The following ATXN10 variants were observed in gnomAD, a reference collection of about 807,000 sequenced individuals.
The protein encoded by ATXN10 is ataxin 10, also known as ataxin-10.
Under a neutral mutation model 52.9 loss-of-function variants are expected in ATXN10, and 28 were observed. That is an observed-to-expected ratio of 0.53 (90% CI 0.39 to 0.73). The LOEUF (loss-of-function observed/expected upper bound fraction) is 0.73, where lower values mean the gene tolerates loss of function less well. ATXN10 is among the 30% of genes least tolerant of loss of function. The pLI, the probability that ATXN10 is intolerant of heterozygous loss-of-function variation, is 0.00. For synonymous variants in ATXN10, 226 were observed against 221.5 expected, an observed-to-expected ratio of 1.02 and a Z score of -0.18; for missense variants, 565 against 577.0, an observed-to-expected ratio of 0.98 and a Z score of 0.21.
intron 10 of ATXN10, among the ~76,000 whole-genome samples, chr22:45,829,552 T>C (rs933664999): frequency 1.3e-5 from 2 of 152,036 alleles, no homozygotes; most frequent in Non-Finnish European, 2.9e-5. Flanking sequence ...CTATATAAAG[T>C]CAACACACAA....
intron 9 of ATXN10, among the ~76,000 whole-genome samples, chr22:45,753,219 A>AT (rs145958400): frequency 0.36 from 51,516 of 141,280 alleles, 9,819 homozygotes; most frequent in Middle Eastern, 0.48. Flanking sequence ...TTTCCCAGTG[A>AT]TTTTTTTTTT....
Position 45,824,882 on chromosome 22 carries a change from C to T in ATXN10, c.1237+17860C>T, listed in dbSNP as rs1257612634. Among the ~76,000 whole-genome samples, 2 of 152,134 alleles carry T rather than the reference C, an allele frequency of 1.3e-5. No individual in the cohort carries two copies. Among genetic ancestry groups the T allele is most frequent in the Non-Finnish European group, 2.9e-5 (2 of 68,032 alleles). ...TCAGGGAAATTCATGGGTAGGAGGTCCCAGGAATCTCCTAGACAACATTTG... is the reference window on the plus strand; with the variant it reads ...TCAGGGAAATTCATGGGTAGGAGGTTCCAGGAATCTCCTAGACAACATTTG... On this transcript the variant is annotated intron_variant, in intron 10 of 11. Coordinates refer to ENST00000252934, the MANE Select transcript of ATXN10 (RefSeq NM_013236.4). The surrounding 1 kb of genome is among the most constrained non-coding windows in gnomAD (Gnocchi z 5.2).
chr22:45,741,050 T>C (rs1421697861), intron 9 of ATXN10, among the ~76,000 whole-genome samples: 2 of 152,164 alleles, frequency 1.3e-5, no homozygotes, highest in Non-Finnish European at 2.9e-5. Context: ...ATTGAGAATG[T>C]GAGAGAATGG....
intron 7 of ATXN10, among the ~76,000 whole-genome samples, chr22:45,737,406 G>A (rs1040225446): frequency 3.3e-5 from 5 of 152,176 alleles, no homozygotes; most frequent in Admixed American, 3.3e-4. Context: ...GGTTGATGAA[G>A]CTTTGTGAAA....
rs1022653450 is a variant in ATXN10 at position 45,805,319 on chromosome 22, C to G, written c.1174-1640C>G. ...CTGGCTGTTCCTCAAATGTTTATAA[C>G]TCATATGATCTAGCAGTTTGACTCC... On this transcript the variant is annotated intron_variant, in intron 9 of 11. Transcript: ENST00000252934. This position sits in a 1 kb window ranked among gnomAD's most constrained non-coding sequence, Gnocchi z 4.4. 6.6e-6 allele frequency among the ~76,000 whole-genome samples: 1 copy of G among 152,174 alleles called. No individual in the cohort carries two copies. Among genetic ancestry groups the G allele is most frequent in the Admixed American group, 6.5e-5 (1 of 15,282 alleles).
In ATXN10 at chr22:45,842,590, G is replaced by A. The variant is rs1381975922; in HGVS notation, c.1238-401G>A. ...TAGTGCTCTTCTTATTCTTTCCCTA[G>A]TGAGTCAGTAACATAATTATTCAAC... On this transcript the variant is annotated intron_variant, in intron 10 of 11. Coordinates refer to ENST00000252934, the MANE Select transcript of ATXN10 (RefSeq NM_013236.4). The surrounding 1 kb of genome is among the most constrained non-coding windows in gnomAD (Gnocchi z 4.8). 6.6e-6 allele frequency among the ~76,000 whole-genome samples: 1 copy of A among 152,126 alleles called. No individual in the cohort carries two copies. The highest frequency in any genetic ancestry group is 2.4e-5 in the African/African-American group (1 of 41,404).
intron 10 of ATXN10, among the ~76,000 whole-genome samples, chr22:45,814,766 AGT>A (rs1160392876): frequency 1.3e-5 from 2 of 152,144 alleles, no homozygotes; most frequent in Admixed American, 1.3e-4. Context: ...GCAGGAGGTG[AGT>A]GAGCATCAGT....
At chr22:45,773,152 G>A (rs918858760) in intron 9 of ATXN10, among the ~76,000 whole-genome samples, 6 of 152,124 alleles carry the variant, frequency 3.9e-5, no homozygotes, top group African/African-American at 1.2e-4. Flanking sequence ...TGTTCGTCTC[G>A]CATGTGGAAA....
chr22:45,692,946 A>G (rs1923441199), intron 2 of ATXN10, 50 bp from the exon 3 acceptor site: 1 of 1,480,276 alleles, frequency 6.8e-7, no homozygotes, highest in Non-Finnish European at 9.4e-7. Flanking sequence ...GCCATAGACA[A>G]TATATGAATG....
chr22:45,809,140 G>C (rs1435530360), intron 10 of ATXN10, among the ~76,000 whole-genome samples: 1 of 152,160 alleles, frequency 6.6e-6, no homozygotes, highest in East Asian at 1.9e-4. Flanking sequence ...TTAGATCTGA[G>C]CTATAAATTA....
chr22:45,770,032 A>C lies in ATXN10; in HGVS notation c.1173+29494A>C, dbSNP rs1271284057. 6.6e-6 allele frequency among the ~76,000 whole-genome samples: 1 copy of C among 152,226 alleles called. No homozygotes were observed. Among genetic ancestry groups the C allele is most frequent in the Non-Finnish European group, 1.5e-5 (1 of 68,030 alleles). ...CAGATGGCAAGACTAAGAGCTGAAG[A>C]AGGGCGGCTTAGGGTTTCTAGACCA... On this transcript the variant is annotated intron_variant, in intron 9 of 11. Coordinates refer to ENST00000252934, the MANE Select transcript of ATXN10 (RefSeq NM_013236.4). The surrounding 1 kb of genome is among the most constrained non-coding windows in gnomAD (Gnocchi z 4.5).
At position 45,701,453 on chromosome 22, in the gene ATXN10, CT is replaced by C. The variant is rs1923841996; in HGVS notation, c.488+1076del. On this transcript the variant is annotated intron_variant, in intron 4 of 11. Coordinates refer to ENST00000252934, the MANE Select transcript of ATXN10 (RefSeq NM_013236.4). The surrounding 1 kb of genome is among the most constrained non-coding windows in gnomAD (Gnocchi z 4.2). Reference sequence around the variant, plus strand: ...AAGTATAGCGTTAAGATGGGATAAACTCTAATTCACCTGTAGCTCATGGAAT... The same window carrying C: ...AAGTATAGCGTTAAGATGGGATAAACCTAATTCACCTGTAGCTCATGGAAT... Among the ~76,000 whole-genome samples the C allele has an allele frequency of 6.6e-6, 1 of 152,138 alleles. No homozygotes were observed. The highest frequency in any genetic ancestry group is 1.9e-4 in the East Asian group (1 of 5,200).
rs371332633 is a variant in ATXN10 at position 45,842,545 on chromosome 22, C to T, written c.1238-446C>T. 6.6e-6 allele frequency among the ~76,000 whole-genome samples: 1 copy of T among 152,212 alleles called. No homozygotes were observed. Among genetic ancestry groups the T allele is most frequent in the South Asian group, 2.1e-4 (1 of 4,832 alleles). On this transcript the variant is annotated intron_variant, in intron 10 of 11. Transcript: ENST00000252934. This position sits in a 1 kb window ranked among gnomAD's most constrained non-coding sequence, Gnocchi z 4.8. Reference sequence around the variant, plus strand: ...GATGATTTTCCTGATTCTAACCTGACGTCTTTGTGACTGATTCTTTAGTGC... The same window carrying T: ...GATGATTTTCCTGATTCTAACCTGATGTCTTTGTGACTGATTCTTTAGTGC...
At position 45,757,728 on chromosome 22, in the gene ATXN10, A is replaced by G. The variant is rs2146825162; in HGVS notation, c.1173+17190A>G. Among the ~76,000 whole-genome samples the G allele has an allele frequency of 6.6e-6, 1 of 152,310 alleles. No homozygotes were observed. Among genetic ancestry groups the G allele is most frequent in the Admixed American group, 6.5e-5 (1 of 15,306 alleles). On this transcript the variant is annotated intron_variant, in intron 9 of 11. Transcript: ENST00000252934. This position sits in a 1 kb window ranked among gnomAD's most constrained non-coding sequence, Gnocchi z 4.6. Reference sequence around the variant, plus strand: ...ACCTTATAAGTCATATTGTTTTGAAATTATATTTATTAAAAATGTGATTAG... The same window carrying G: ...ACCTTATAAGTCATATTGTTTTGAAGTTATATTTATTAAAAATGTGATTAG...
intron 10 of ATXN10, among the ~76,000 whole-genome samples, chr22:45,809,138 G>C (rs1175728280): frequency 6.6e-6 from 1 of 152,156 alleles, no homozygotes; most frequent in Non-Finnish European, 1.5e-5. Context: ...TTTTAGATCT[G>C]AGCTATAAAT....
At chr22:45,771,569 A>G (rs1409086267) in intron 9 of ATXN10, among the ~76,000 whole-genome samples, 1 of 151,924 alleles carries the variant, frequency 6.6e-6, no homozygotes, top group African/African-American at 2.4e-5. Context: ...GGCACGCACC[A>G]CCACACCCAG....
rs1480894899 is a variant in ATXN10 at position 45,694,117 on chromosome 22, T to C, written c.391+1039T>C. Among the ~76,000 whole-genome samples the C allele has an allele frequency of 3.9e-5, 6 of 152,128 alleles. No individual in the cohort carries two copies. In the East Asian group the frequency reaches 9.7e-4, roughly 24 times the overall value. On this transcript the variant is annotated intron_variant, in intron 3 of 11. Transcript: ENST00000252934. ...AGTCAAGTATCTAGTGTGATGAAAA[T>C]GGAACTTAGCTCTGATTGTTAACGG... is the stretch of plus-strand genomic sequence containing the variant.
In ATXN10 at chr22:45,787,924, T is replaced by C. The variant is rs1927373991; in HGVS notation, c.1174-19035T>C. 1.3e-5 allele frequency among the ~76,000 whole-genome samples: 2 copies of C among 152,206 alleles called. No individual in the cohort carries two copies. Among genetic ancestry groups the C allele is most frequent in the Admixed American group, 6.5e-5 (1 of 15,272 alleles). On this transcript the variant is annotated intron_variant, in intron 9 of 11. Coordinates refer to ENST00000252934, the MANE Select transcript of ATXN10 (RefSeq NM_013236.4). The surrounding 1 kb of genome is among the most constrained non-coding windows in gnomAD (Gnocchi z 4.2). ...CATTTACAAATTAATCTATCAGGAA[T>C]GAGTGTTTACATTTGCCTACAATAT...
Position 45,841,028 on chromosome 22 carries a change from G to T in ATXN10, c.1238-1963G>T, listed in dbSNP as rs144346444. Among the ~76,000 whole-genome samples the T allele has an allele frequency of 1.1e-3, 168 of 152,322 alleles. 1 individual carries two copies. The highest frequency in any genetic ancestry group is 3.8e-3 in the African/African-American group (160 of 41,566). On this transcript the variant is annotated intron_variant, in intron 10 of 11. Coordinates refer to ENST00000252934, the MANE Select transcript of ATXN10 (RefSeq NM_013236.4). This position sits in a 1 kb window ranked among gnomAD's most constrained non-coding sequence, Gnocchi z 5.1. Reference sequence around the variant, plus strand: ...TCAAATAATTCATTGTTGAGAAGTTGACGGATATGTTGGAAGTGCTTGATA... The same window carrying T: ...TCAAATAATTCATTGTTGAGAAGTTTACGGATATGTTGGAAGTGCTTGATA...
Sources: gnomAD v4.1 joint callset for allele counts (sites outside exome capture counted in the v4.1 genomes callset) on GRCh38, gnomAD v4.1.1 for gene constraint, Gnocchi (gnomAD v3.1) non-coding constraint, MANE v1.5 for transcripts, NCBI Gene and HGNC (gene_info 2026-07-23, HGNC 2026-07-21) for gene names.